ACSS3: variants seen among roughly 807,000 people sequenced by gnomAD.
ACSS3 encodes acyl-CoA synthetase short chain family member 3.
Under a neutral mutation model 84.2 loss-of-function variants are expected in ACSS3, and 64 were observed. The ratio of observed to expected loss-of-function variants is 0.76; its 90% CI spans 0.62 to 0.94. The LOEUF is 0.94. Among genes scored for constraint, ACSS3 ranks in the 40% least tolerant of loss-of-function variants. The pLI is 0.00. For synonymous variants in ACSS3, 317 were observed against 310.1 expected, an observed-to-expected ratio of 1.02 and a Z score of -0.23; for missense variants, 815 against 867.6, an observed-to-expected ratio of 0.94 and a Z score of 0.76.
intron 3 of ACSS3, among the ~76,000 whole-genome samples, chr12:81,135,609 C>T (rs1253224430): frequency 6.6e-6 from 1 of 151,450 alleles, no homozygotes; most frequent in African/African-American, 2.4e-5. Context: ...TTCATGTTCT[C>T]ACTGTTAAGT....
intron 7 of ACSS3, among the ~76,000 whole-genome samples, chr12:81,155,089 A>C (rs1593136424): frequency 6.6e-6 from 1 of 152,174 alleles, no homozygotes; most frequent in Non-Finnish European, 1.5e-5. Context: ...AGAGGGTATC[A>C]TCTCGAAGAG....
At chr12:81,251,109 G>A (rs1174570715) in intron 13 of ACSS3, among the ~76,000 whole-genome samples, 1 of 152,120 alleles carries the variant, frequency 6.6e-6, no homozygotes, top group Admixed American at 6.5e-5. Flanking sequence ...AATCCACTCT[G>A]AAGTGAAAGA....
chr12:81,205,032 G>A (rs149541073), intron 9 of ACSS3, among the ~76,000 whole-genome samples: 99 of 152,222 alleles, frequency 6.5e-4, no homozygotes, highest in African/African-American at 2.2e-3. Flanking sequence ...CTATCTTGGT[G>A]TAATCTGAGT....
chr12:81,099,796 C>G (rs533415359), intron 1 of ACSS3, among the ~76,000 whole-genome samples: 80 of 151,832 alleles, frequency 5.3e-4, no homozygotes, highest in Non-Finnish European at 8.5e-4. Flanking sequence ...AAATTTTTAG[C>G]TCTCAGAAAA....
At chr12:81,193,211 T>C (rs1055213081) in intron 8 of ACSS3, among the ~76,000 whole-genome samples, 32 of 152,200 alleles carry the variant, frequency 2.1e-4, no homozygotes, top group Non-Finnish European at 4.1e-4. Flanking sequence ...ATCTGTCATG[T>C]GAACCAGAAG....
chr12:81,183,745 C>T (rs1419239834), intron 8 of ACSS3, among the ~76,000 whole-genome samples: 1 of 151,996 alleles, frequency 6.6e-6, no homozygotes, highest in Non-Finnish European at 1.5e-5. Flanking sequence ...TAAGATAACT[C>T]AACCACTGTA....
intron 11 of ACSS3, among the ~76,000 whole-genome samples, chr12:81,229,140 A>G (rs937791313): frequency 1.1e-4 from 17 of 151,854 alleles, no homozygotes; most frequent in African/African-American, 3.1e-4. Context: ...TCTTTAGTAT[A>G]ATAGAGCAAT....
chr12:81,159,231 G>A lies in ACSS3; in HGVS notation c.1098+7135G>A, dbSNP rs528887780. 2.3e-4 allele frequency among the ~76,000 whole-genome samples: 35 copies of A among 151,914 alleles called. 1 individual carries two copies. The South Asian group carries it at 2.9e-3, about 13-fold the overall frequency. On this transcript the variant is annotated intron_variant, in intron 7 of 15. Transcript: ENST00000548058. ...TGTATTTAAGTAGTTTATTTTCTGA[G>A]AGGGAAATTTATAGCACTAAATAGA... is the stretch of plus-strand genomic sequence containing the variant.
Position 81,089,579 on chromosome 12 carries a change from G to A in ACSS3, c.311+11148G>A, listed in dbSNP as rs1179759695. On this transcript the variant is annotated intron_variant, in intron 1 of 15. Transcript: ENST00000548058. ...TGCTTCCTTTGAGTGTTTATGGGATGAGTCAAAAATATATGTGCAGAGTCT... is the reference window on the plus strand; with the variant it reads ...TGCTTCCTTTGAGTGTTTATGGGATAAGTCAAAAATATATGTGCAGAGTCT... Among the ~76,000 whole-genome samples, 3 of 151,942 alleles carry A rather than the reference G, an allele frequency of 2.0e-5. No homozygotes were observed. In the East Asian group the frequency reaches 5.8e-4, roughly 29 times the overall value.
At chr12:81,243,002 T>C (rs1207413943) in intron 13 of ACSS3, among the ~76,000 whole-genome samples, 1 of 152,056 alleles carries the variant, frequency 6.6e-6, no homozygotes, top group Admixed American at 6.6e-5. Flanking sequence ...TTGGAAGTTC[T>C]GGCTAGGGCA....
At chr12:81,223,843 G>A (rs1257096546) in intron 11 of ACSS3, among the ~76,000 whole-genome samples, 2 of 151,950 alleles carry the variant, frequency 1.3e-5, no homozygotes, top group Non-Finnish European at 2.9e-5. Flanking sequence ...ATTCCAGATG[G>A]AGAAGTGAAA....
chr12:81,198,892 A>T (rs889106171), intron 8 of ACSS3, among the ~76,000 whole-genome samples: 1 of 152,236 alleles, frequency 6.6e-6, no homozygotes, highest in Non-Finnish European at 1.5e-5. Flanking sequence ...CACAAGAAGG[A>T]ACAAATTCAT....
At chr12:81,100,412 A>G (rs991818657) in intron 1 of ACSS3, among the ~76,000 whole-genome samples, 2 of 152,128 alleles carry the variant, frequency 1.3e-5, no homozygotes, top group Admixed American at 6.6e-5. Context: ...GAGAGCTTAC[A>G]TGATGAAGGT....
intron 1 of ACSS3, among the ~76,000 whole-genome samples, chr12:81,090,662 T>G (rs1449211543): frequency 6.6e-6 from 1 of 152,050 alleles, no homozygotes; most frequent in Admixed American, 6.6e-5. Flanking sequence ...TCATCTAAGC[T>G]TTGGGTCTAA....
At chr12:81,141,498 A>G (rs1886091309) in intron 4 of ACSS3, among the ~76,000 whole-genome samples, 1 of 152,206 alleles carries the variant, frequency 6.6e-6, no homozygotes, top group Non-Finnish European at 1.5e-5. Flanking sequence ...GCCTTTTAAG[A>G]ATTATAAGAA....
intron 1 of ACSS3, among the ~76,000 whole-genome samples, chr12:81,090,899 T>G (rs886438693): frequency 2.6e-5 from 4 of 152,072 alleles, no homozygotes; most frequent in African/African-American, 7.2e-5. Flanking sequence ...CTCAAATCCC[T>G]TATATAAAAT....
At chr12:81,146,617 G>A (rs1332288144) in intron 5 of ACSS3, among the ~76,000 whole-genome samples, 1 of 152,188 alleles carries the variant, frequency 6.6e-6, no homozygotes, top group Non-Finnish European at 1.5e-5. Flanking sequence ...TCAAGTTGCT[G>A]TATGACAGGT....
intron 8 of ACSS3, among the ~76,000 whole-genome samples, chr12:81,191,804 G>A (rs1171151844): frequency 1.3e-5 from 2 of 151,720 alleles, no homozygotes; most frequent in African/African-American, 2.4e-5. Flanking sequence ...TTTTTTCACA[G>A]TTGCAGTTAG....
At chr12:81,100,216 GTTTTT>G (rs34512313) in intron 1 of ACSS3, among the ~76,000 whole-genome samples, 39 of 106,558 alleles carry the variant, frequency 3.7e-4, no homozygotes, top group African/African-American at 1.1e-3. Context: ...AAAATTACCA[GTTTTT>G]TTTTTTTTTT....
Sources: allele counts gnomAD v4.1 joint callset (sites outside exome capture counted in the v4.1 genomes callset), GRCh38; gene constraint gnomAD v4.1.1; transcripts MANE v1.5; gene names NCBI Gene and HGNC (gene_info 2026-07-23, HGNC 2026-07-21).